The following MTCL1 variants were observed in gnomAD, a reference collection of about 807,000 sequenced individuals.
MTCL1 encodes the protein microtubule cross-linking factor 1.
A neutral mutation model predicts 141.4 loss-of-function variants in MTCL1; 79 were observed. The ratio of observed to expected loss-of-function variants is 0.56; its 90% CI spans 0.47 to 0.67. The LOEUF is 0.67. Among genes scored for constraint, MTCL1 ranks in the 30% least tolerant of loss-of-function variants. The pLI, the probability that MTCL1 is intolerant of heterozygous loss-of-function variation, is 0.00. For missense variants in MTCL1, 2,177 were observed against 2,113.9 expected (o/e 1.03, Z -0.59); for synonymous variants, 914 against 875.8 (o/e 1.04, Z -0.77).
intron 8 of MTCL1, among the ~76,000 whole-genome samples, chr18:8,795,131 G>A (rs1017907637): frequency 3.9e-5 from 6 of 152,246 alleles, no homozygotes; most frequent in Non-Finnish European, 7.3e-5. Flanking sequence ...GGTATTAGGT[G>A]AGCGGCCACG....
Position 8,810,595 on chromosome 18 carries a change from G to C in MTCL1, c.2605-2384G>C, listed in dbSNP as rs1413610890. ...TGCTGGAAGCATCTACAGGTGAACA[G>C]ACGTACGTGCGAGGGGCTCAGCAGC... is the stretch of plus-strand genomic sequence containing the variant. On this transcript the variant is annotated intron_variant, in intron 11 of 16. Coordinates refer to ENST00000359865, the Ensembl canonical transcript of MTCL1. The surrounding 1 kb of genome is among the most constrained non-coding windows in gnomAD (Gnocchi z 5.0). Among the ~76,000 whole-genome samples the C allele has an allele frequency of 6.6e-6, 1 of 152,166 alleles. No homozygotes were observed. The highest frequency in any genetic ancestry group is 2.4e-5 in the African/African-American group (1 of 41,446).
chr18:8,785,250 C>T (rs1013947224), intron 6 of MTCL1, among the ~76,000 whole-genome samples: 1 of 152,178 alleles, frequency 6.6e-6, no homozygotes, highest in Non-Finnish European at 1.5e-5. Context: ...ACGCATGTCA[C>T]AGTCAGGATA....
intron 3 of MTCL1, 21 bp downstream of exon 2, chr18:8,718,669 T>C (rs770484885): frequency 2.0e-5 from 32 of 1,607,452 alleles, no homozygotes; most frequent in Non-Finnish European, 2.6e-5. Flanking sequence ...GGGTGGTGCG[T>C]GCACCTCGCA....
chr18:8,729,448 G>T (rs572734092), intron 4 of MTCL1, among the ~76,000 whole-genome samples: 3 of 151,766 alleles, frequency 2.0e-5, no homozygotes, highest in Non-Finnish European at 4.4e-5. Context: ...CTGTCACCCA[G>T]ATTGGAGTAC....
intron 4 of MTCL1, among the ~76,000 whole-genome samples, chr18:8,721,881 A>C (rs1407519107): frequency 1.3e-5 from 2 of 152,128 alleles, no homozygotes; most frequent in Admixed American, 1.3e-4. Context: ...TCATGCCTGG[A>C]ACAGTGCCTG....
exon 6 of MTCL1, chr18:8,784,188 A>G (rs753397525): frequency 7.4e-6 from 12 of 1,613,796 alleles, no homozygotes; most frequent in Admixed American, 3.3e-5. Context: ...CAGCACGAGA[A>G]CCACGCGCTG....
At chr18:8,825,667 G>C in exon 15 of MTCL1, 1 of 1,613,876 alleles carries the variant, frequency 6.2e-7, no homozygotes, top group Non-Finnish European at 8.5e-7. Context: ...CGCACATGCT[G>C]CTCCCCCAAG....
At chr18:8,815,646 TA>T (rs112636871) in intron 12 of MTCL1, among the ~76,000 whole-genome samples, 2,717 of 138,992 alleles carry the variant, frequency 0.02, 79 homozygotes, top group African/African-American at 0.06. Context: ...ACATTAACAT[TA>T]AAAAAAAAAA....
chr18:8,799,550 G>C (rs2076044739), intron 10 of MTCL1, among the ~76,000 whole-genome samples: 2 of 152,172 alleles, frequency 1.3e-5, no homozygotes, highest in Admixed American at 6.5e-5. Context: ...CAATAATCTA[G>C]TTAGAAATGA....
At chr18:8,730,598 C>T (rs2096245004) in intron 4 of MTCL1, among the ~76,000 whole-genome samples, 1 of 152,322 alleles carries the variant, frequency 6.6e-6, no homozygotes, top group South Asian at 2.1e-4. Context: ...GAACGTCAGC[C>T]AGGCTCCTCG....
chr18:8,720,184 C>T (rs530930478), intron 3 of MTCL1, 154 bp from the exon 3 acceptor site: 1 of 674,382 alleles, frequency 1.5e-6, no homozygotes, highest in East Asian at 2.8e-5. Context: ...GAATCTCCTC[C>T]TCCTTTTAAC....
chr18:8,706,244 G>C (rs1192591677), exon 1 of MTCL1: 1 of 1,228,242 alleles, frequency 8.1e-7, no homozygotes, highest in African/African-American at 1.6e-5. Flanking sequence ...TCGGTGGCCG[G>C]GTCCCCGGCC....
rs922774298 is a variant in MTCL1, at chr18:8,822,576, C to G, written c.3188+1078C>G. ...GAAGTGCTGGGATTACAGGCGTGAG[C>G]CACTGTGCCCAGCCCAAACTGCCTG... On this transcript the variant is annotated intron_variant, in intron 14 of 16. Transcript: ENST00000359865. The surrounding 1 kb of genome is among the most constrained non-coding windows in gnomAD (Gnocchi z 4.6). 1.3e-5 allele frequency among the ~76,000 whole-genome samples: 2 copies of G among 152,240 alleles called. No homozygotes were observed. Among genetic ancestry groups the G allele is most frequent in the African/African-American group, 2.4e-5 (1 of 41,454 alleles).
intron 4 of MTCL1, among the ~76,000 whole-genome samples, chr18:8,755,352 G>A (rs114486586): frequency 1.7e-3 from 264 of 152,328 alleles, no homozygotes; most frequent in African/African-American, 6.1e-3. Flanking sequence ...ACCGTGTTTA[G>A]TCCTTGATTT....
intron 4 of MTCL1, among the ~76,000 whole-genome samples, chr18:8,752,960 G>A (rs932201242): frequency 1.3e-5 from 2 of 152,122 alleles, no homozygotes; most frequent in Non-Finnish European, 2.9e-5. Flanking sequence ...GCGTGGAGAC[G>A]TCGCCGTATC....
rs1476396100 is a variant in MTCL1 at position 8,830,874 on chromosome 18, A to G, written c.*19-733A>G. ...AGCTTGAGAATAAGGATTCTAGGTG[A>G]TTTGCACATGGTTGAGTGTGTCTTG... On this transcript the variant is annotated intron_variant, in intron 16 of 16. Coordinates refer to ENST00000359865, the Ensembl canonical transcript of MTCL1. The surrounding 1 kb of genome is among the most constrained non-coding windows in gnomAD (Gnocchi z 6.4). 1.0e-6 allele frequency: 1 copy of G among 985,368 alleles called. No individual in the cohort carries two copies. Among genetic ancestry groups the G allele is most frequent in the African/African-American group, 1.7e-5 (1 of 57,244 alleles). The allele number at this position is 985,368 out of a possible 1,614,324, so 61.0% of individuals were successfully genotyped here.
At chr18:8,825,282 G>C (rs2076984483) in exon 15 of MTCL1, 2 of 1,560,226 alleles carry the variant, frequency 1.3e-6, no homozygotes, top group Admixed American at 1.9e-5. Flanking sequence ...GCGCCCCCTT[G>C]ATAGTCCCCT....
chr18:8,708,358 T>C lies in MTCL1; in HGVS notation c.1053+1645T>C, dbSNP rs372151628. Among the ~76,000 whole-genome samples, 6 of 152,372 alleles carry C rather than the reference T, an allele frequency of 3.9e-5. 1 individual carries two copies. The highest frequency in any genetic ancestry group is 1.4e-4 in the African/African-American group (6 of 41,590). ...TCTTGGTGCAACTGGTTATTTCCTT[T>C]ATTTTTTCCCAATGAATGAAATGTG... On this transcript the variant is annotated intron_variant, in intron 1 of 13. Transcript: ENST00000306329.
chr18:8,795,569 AT>A (rs1361639269), intron 8 of MTCL1, among the ~76,000 whole-genome samples: 5 of 152,318 alleles, frequency 3.3e-5, no homozygotes, highest in African/African-American at 1.2e-4. Context: ...GATGCCAGAT[AT>A]TTCTTTTTCA....
Sources: gnomAD v4.1 joint callset for allele counts (sites outside exome capture counted in the v4.1 genomes callset) on GRCh38, gnomAD v4.1.1 for gene constraint, Gnocchi (gnomAD v3.1) non-coding constraint, MANE v1.5 for transcripts, NCBI Gene and HGNC (gene_info 2026-07-23, HGNC 2026-07-21) for gene names.